Variants in PCDHGB2 observed in about 807,000 individuals in gnomAD.
PCDHGB2 encodes the protein protocadherin gamma-B2.
PCDHGB2 carries 55 observed loss-of-function variants against 59.3 expected under a neutral mutation model. The observed-to-expected ratio is 0.93, with a 90% CI of 0.75 to 1.16. The LOEUF is 1.16. Ranked by LOEUF, PCDHGB2 falls within the 50% of genes most tolerant of loss-of-function variation. PCDHGB2 has a pLI of 0.00. For missense variants in PCDHGB2, 1,228 were observed against 1,198.5 expected (o/e 1.02, Z -0.36); for synonymous variants, 516 against 512.0 (o/e 1.01, Z -0.11).
At chr5:141,440,841 A>G (rs1361003883) in intron 1 of PCDHGB2, 5 of 152,114 alleles carry the variant, frequency 3.3e-5, no homozygotes, top group Admixed American at 1.3e-4. Flanking sequence ...GTTGAAGCCA[A>G]TGACAACCCT....
intron 2 of PCDHGB2, among the ~76,000 whole-genome samples, chr5:141,502,625 T>G (rs2099815384): frequency 6.6e-6 from 1 of 152,210 alleles, no homozygotes; most frequent in Admixed American, 6.5e-5. Context: ...ATAAGTAATC[T>G]GTGGATGATA....
At chr5:141,496,172 T>C (rs942740022) in intron 2 of PCDHGB2, among the ~76,000 whole-genome samples, 1 of 151,672 alleles carries the variant, frequency 6.6e-6, no homozygotes, top group Non-Finnish European at 1.5e-5. Context: ...CACCCTCCCA[T>C]CCAAGCAGCC....
At chr5:141,423,591 A>G in intron 1 of PCDHGB2, 1 of 1,613,312 alleles carries the variant, frequency 6.2e-7, no homozygotes, top group South Asian at 1.1e-5. Context: ...GCTGTGAGAA[A>G]AGCGAGCCAC....
At position 141,362,313 on chromosome 5, in the gene PCDHGB2, T is replaced by C; in HGVS notation, c.2178T>C (p.Cys726=). Reference sequence around the variant, plus strand: ...CTTCCAGGTCAGATGCTTGGGACTGTTTTCAGCCTGGTCTCAGCTCCAAGC... The same window carrying C: ...CTTCCAGGTCAGATGCTTGGGACTGCTTTCAGCCTGGTCTCAGCTCCAAGC... ...RLSSRSDAWD[C]FQPGLSSKPG... is the part of the protein sequence containing the mutation. Residue 726 remains cysteine (C), a synonymous_variant, in exon 1 of 4, where the codon TGT becomes TGC. Transcript: ENST00000522605. 6.2e-7 allele frequency: 1 copy of C among 1,614,046 alleles called. No homozygotes were observed. The highest frequency in any genetic ancestry group is 8.5e-7 in the Non-Finnish European group (1 of 1,179,908).
intron 1 of PCDHGB2, among the ~76,000 whole-genome samples, chr5:141,482,052 T>G (rs2099551017): frequency 6.7e-6 from 1 of 150,154 alleles, no homozygotes; most frequent in Non-Finnish European, 1.5e-5. Flanking sequence ...GCTGTTGCAT[T>G]CCAGCCTGGG....
At chr5:141,459,319 T>G (rs1270005431) in intron 1 of PCDHGB2, among the ~76,000 whole-genome samples, 1 of 152,216 alleles carries the variant, frequency 6.6e-6, no homozygotes, top group Non-Finnish European at 1.5e-5. Context: ...TTTGTATCCA[T>G]CTTCTTTTAC....
At chr5:141,419,543 G>T (rs573594140) in intron 1 of PCDHGB2, 1 of 1,612,106 alleles carries the variant, frequency 6.2e-7, no homozygotes, top group East Asian at 2.2e-5. Flanking sequence ...CGCACCGCGG[G>T]TGCTGTACCC....
Position 141,489,471 on chromosome 5 carries a change from G to A in PCDHGB2, c.2422-5336G>A. ...AGGAGAATGGGCGCTATTTTTCCCT[G>A]AGCTTGATGAGTGGTGCCCTGGCAG... On this transcript the variant is annotated intron_variant, in intron 1 of 3. Transcript: ENST00000522605. This position sits in a 1 kb window ranked among gnomAD's most constrained non-coding sequence, Gnocchi z 4.5. 1 of 1,614,074 alleles carries A rather than the reference G, an allele frequency of 6.2e-7. No homozygotes were observed. The highest frequency in any genetic ancestry group is 8.5e-7 in the Non-Finnish European group (1 of 1,180,026).
chr5:141,394,472 G>C, intron 1 of PCDHGB2: 2 of 1,614,242 alleles, frequency 1.2e-6, no homozygotes, highest in East Asian at 2.2e-5. Flanking sequence ...TGTTCGTGCT[G>C]GACCAGAATG....
At chr5:141,409,464 C>A in intron 1 of PCDHGB2, 1 of 1,613,940 alleles carries the variant, frequency 6.2e-7, no homozygotes, top group South Asian at 1.1e-5. Context: ...TACAATGTCA[C>A]CATCGTAGCC....
Position 141,476,793 on chromosome 5 carries a change from C to T in PCDHGB2, c.2422-18014C>T, listed in dbSNP as rs754785656. ...GACGGAGGGACCCCAGCTCTCTCCG[C>T]CAGCCTGCCTATTCACATCAAGGTG... On this transcript the variant is annotated intron_variant, in intron 1 of 3. Transcript: ENST00000522605. The surrounding 1 kb of genome is among the most constrained non-coding windows in gnomAD (Gnocchi z 7.6). 1.2e-6 allele frequency: 2 copies of T among 1,613,642 alleles called. No homozygotes were observed. The highest frequency in any genetic ancestry group is 2.2e-5 in the East Asian group (1 of 44,868).
At chr5:141,499,648 CAT>C (rs1434824310) in intron 2 of PCDHGB2, among the ~76,000 whole-genome samples, 2 of 148,784 alleles carry the variant, frequency 1.3e-5, no homozygotes, top group Admixed American at 6.7e-5. Flanking sequence ...TCTCAGACAT[CAT>C]ATAATTTCAT....
rs1454034279 is a variant in PCDHGB2, at chr5:141,366,572, G to A, written c.2421+4016G>A. On this transcript the variant is annotated intron_variant, in intron 1 of 3. Transcript: ENST00000522605. Reference sequence around the variant, plus strand: ...CTTTGTGGGCGTGGATGGGGTTCGGGCTTTCCTGCAGACCTATTCCCACGA... The same window carrying A: ...CTTTGTGGGCGTGGATGGGGTTCGGACTTTCCTGCAGACCTATTCCCACGA... The A allele has an allele frequency of 1.9e-6, 3 of 1,614,148 alleles. No homozygotes were observed. The highest frequency in any genetic ancestry group is 1.7e-6 in the Non-Finnish European group (2 of 1,180,064).
intron 1 of PCDHGB2, chr5:141,403,391 G>A: frequency 1.2e-6 from 2 of 1,614,046 alleles, no homozygotes; most frequent in Non-Finnish European, 1.7e-6. Flanking sequence ...CGAAATCGCG[G>A]TTCCTGGAGC....
intron 1 of PCDHGB2, chr5:141,413,527 G>A (rs768496934): frequency 1.2e-6 from 2 of 1,613,938 alleles, no homozygotes; most frequent in Non-Finnish European, 1.7e-6. Flanking sequence ...GGAAGACAGG[G>A]TGAAACTTTT....
intron 2 of PCDHGB2, among the ~76,000 whole-genome samples, chr5:141,499,283 G>T (rs1460838051): frequency 6.6e-6 from 1 of 152,066 alleles, no homozygotes; most frequent in Non-Finnish European, 1.5e-5. Context: ...TTCTCTGATG[G>T]CTCCACACTA....
chr5:141,451,914 A>G (rs1387569597), intron 1 of PCDHGB2, among the ~76,000 whole-genome samples: 3 of 152,022 alleles, frequency 2.0e-5, no homozygotes, highest in East Asian at 1.9e-4. Context: ...GGGAGGGAGG[A>G]AGGAAGGGAG....
chr5:141,416,441 T>C (rs2096024396), intron 1 of PCDHGB2: 1 of 152,162 alleles, frequency 6.6e-6, no homozygotes, highest in Non-Finnish European at 1.5e-5. Flanking sequence ...TGAAAGTAAA[T>C]ATGGGTTGGG....
chr5:141,409,125 AT>A, intron 1 of PCDHGB2: 1 of 1,613,982 alleles, frequency 6.2e-7, no homozygotes, highest in Non-Finnish European at 8.5e-7. Context: ...CAGTCATTTG[AT>A]TTTGAAGATG....
Sources: allele counts gnomAD v4.1 joint callset (sites outside exome capture counted in the v4.1 genomes callset), GRCh38; gene constraint gnomAD v4.1.1; non-coding constraint Gnocchi (gnomAD v3.1); transcripts MANE v1.5; gene names NCBI Gene and HGNC (gene_info 2026-07-23, HGNC 2026-07-21).